KDM4B: variants seen among roughly 807,000 people sequenced by gnomAD.
KDM4B encodes the protein lysine-specific demethylase 4B.
In KDM4B, 32 loss-of-function variants were observed where a neutral mutation model predicts 125.2. The observed-to-expected ratio is 0.26, with a 90% CI of 0.19 to 0.34. KDM4B has a LOEUF of 0.34. Among genes scored for constraint, KDM4B ranks in the 10% least tolerant of loss-of-function variants. The probability of loss-of-function intolerance (pLI) is 1.00; values close to 1 mark genes in which losing one functional copy is unlikely to be tolerated. For synonymous variants in KDM4B, 721 were observed against 677.9 expected, an observed-to-expected ratio of 1.06 and a Z score of -0.99; for missense variants, 1,190 against 1,577.7, an observed-to-expected ratio of 0.75 and a Z score of 4.16.
intron 18 of KDM4B, chr19:5,138,396 C>A: frequency 6.1e-6 from 2 of 328,628 alleles, no homozygotes; most frequent in Non-Finnish European, 1.1e-5. Context: ...GCAGAGGCAC[C>A]GCACGTGCCC....
chr19:5,001,001 C>T (rs979237265), intron 1 of KDM4B, among the ~76,000 whole-genome samples: 1 of 151,882 alleles, frequency 6.6e-6, no homozygotes, highest in African/African-American at 2.4e-5. Flanking sequence ...CAGGGCAGCT[C>T]AAAGAAGCAG....
intron 21 of KDM4B, among the ~76,000 whole-genome samples, chr19:5,148,031 C>A (rs1477830813): frequency 6.6e-6 from 1 of 152,180 alleles, no homozygotes; most frequent in African/African-American, 2.4e-5. Context: ...GAGACCCCCA[C>A]ATGCCAAGGC....
At chr19:5,008,544 G>A (rs1454116352) in intron 1 of KDM4B, among the ~76,000 whole-genome samples, 1 of 151,588 alleles carries the variant, frequency 6.6e-6, no homozygotes, top group African/African-American at 2.4e-5. Flanking sequence ...TTGAGATCCA[G>A]AAAACCCTGG....
chr19:5,087,048 C>T (rs1056333001), intron 9 of KDM4B, among the ~76,000 whole-genome samples: 3 of 152,264 alleles, frequency 2.0e-5, no homozygotes, highest in African/African-American at 7.2e-5. Flanking sequence ...CTGGGGCTCT[C>T]CCCTCCCGTC....
At position 5,142,357 on chromosome 19, in the gene KDM4B, C is replaced by T. The variant is rs1317417677; in HGVS notation, c.2551-1610C>T. ...ACGCCTGCCCGACCTCCTGTGGCCA[C>T]AGCGCGTGGCGTGACTGGACCTCGC... On this transcript the variant is annotated intron_variant, in intron 18 of 22. Transcript: ENST00000159111. The surrounding 1 kb of genome is among the most constrained non-coding windows in gnomAD (Gnocchi z 5.4). Among the ~76,000 whole-genome samples, 1 of 152,218 alleles carries T rather than the reference C, an allele frequency of 6.6e-6. No individual in the cohort carries two copies. Among genetic ancestry groups the T allele is most frequent in the Non-Finnish European group, 1.5e-5 (1 of 68,018 alleles).
intron 1 of KDM4B, among the ~76,000 whole-genome samples, chr19:4,984,578 G>A (rs771013999): frequency 2.0e-4 from 30 of 152,230 alleles, no homozygotes; most frequent in South Asian, 6.2e-4. Context: ...GGCCTGTTCC[G>A]TACGCCTCGT....
intron 5 of KDM4B, among the ~76,000 whole-genome samples, chr19:5,045,380 TTTGTTGTTG>T (rs140890573): frequency 2.6e-5 from 4 of 151,762 alleles, no homozygotes; most frequent in African/African-American, 7.3e-5. Context: ...TTTTGCCCAG[TTTGTTGTTG>T]TTGTTGTTGT....
chr19:5,018,872 C>T (rs1392749222), intron 2 of KDM4B, among the ~76,000 whole-genome samples: 1 of 152,162 alleles, frequency 6.6e-6, no homozygotes, highest in Non-Finnish European at 1.5e-5. Context: ...AGTTCATCCA[C>T]TCCGTGGCCT....
chr19:5,137,914 C>A (rs751084724), intron 17 of KDM4B, 48 bp from the exon 18 acceptor site: 2 of 1,489,910 alleles, frequency 1.3e-6, no homozygotes, highest in Non-Finnish European at 1.8e-6. Flanking sequence ...CTGTGACCAG[C>A]CCAGGTCCTC....
chr19:5,119,832 G>A lies in KDM4B; in HGVS notation c.1295G>A (p.Arg432Gln), dbSNP rs779536081. 2.9e-5 allele frequency: 45 copies of A among 1,545,342 alleles called. No individual in the cohort carries two copies. Among genetic ancestry groups the A allele is most frequent in the South Asian group, 6.0e-5 (5 of 83,526 alleles). ...GAGCCGCAGCCACTGCCACACGGCCGGGAGGCCGAGGGCGCAGAAGGTCAG... is the reference window on the plus strand; with the variant it reads ...GAGCCGCAGCCACTGCCACACGGCCAGGAGGCCGAGGGCGCAGAAGGTCAG... ...EEEPQPLPHGREAEGAEEDGR... is the reference protein window; with the variant it reads ...EEEPQPLPHGQEAEGAEEDGR... The change falls in exon 11 of 23, where the codon CGG (arginine) becomes CAG (glutamine). Residue 432 changes from arginine (R) to glutamine (Q), a missense_variant. Arg to Gln is a conservative substitution (Grantham distance 43, BLOSUM62 1). Around this residue, in one of 7 missense-constraint regions of KDM4B, gnomAD observed 428 missense variants for 405.1 expected, o/e 1.06. Transcript: ENST00000159111.
chr19:5,097,718 G>C (rs1031349719), intron 9 of KDM4B, among the ~76,000 whole-genome samples: 2 of 152,262 alleles, frequency 1.3e-5, no homozygotes, highest in African/African-American at 4.8e-5. Flanking sequence ...TCAGGGCAGA[G>C]AGCGCGTTGG....
chr19:4,983,543 T>C (rs1224378500), intron 1 of KDM4B, among the ~76,000 whole-genome samples: 1 of 152,214 alleles, frequency 6.6e-6, no homozygotes, highest in Admixed American at 6.5e-5. Context: ...AACCGTGGAC[T>C]GGTCCTGGGG....
At position 4,973,825 on chromosome 19, in the gene KDM4B, A is replaced by T. The variant is rs1461616319; in HGVS notation, c.-109+4595A>T. On this transcript the variant is annotated intron_variant, in intron 1 of 22. Transcript: ENST00000159111. The stretch of plus-strand genomic sequence containing the variant: ...ACTGCTCTCTGAAACAAAGCATATT[A>T]AAAAAAAAAAAAAAAAAAAACTGGC... Among the ~76,000 whole-genome samples, 5 of 72,042 alleles carry T rather than the reference A, an allele frequency of 6.9e-5. No individual in the cohort carries two copies. In the East Asian group the frequency reaches 8.1e-4, roughly 12 times the overall value. The allele number at this position is 72,042 out of a possible 152,430, so 47.3% of individuals were successfully genotyped here. A position where few individuals can be genotyped will look rare whatever the true frequency, so the allele number is the denominator to read the frequency against.
intron 1 of KDM4B, among the ~76,000 whole-genome samples, chr19:4,972,634 C>A (rs960046540): frequency 2.0e-5 from 3 of 152,230 alleles, no homozygotes; most frequent in African/African-American, 7.2e-5. Flanking sequence ...CACTGTCAAC[C>A]CCGCAGTGAG....
chr19:5,065,824 C>T (rs1439906969), intron 6 of KDM4B, among the ~76,000 whole-genome samples: 9 of 152,228 alleles, frequency 5.9e-5, no homozygotes, highest in South Asian at 2.1e-4. Context: ...TTCGCCCACC[C>T]GTCGCCAGGA....
At chr19:4,994,301 G>C (rs562098643) in intron 1 of KDM4B, among the ~76,000 whole-genome samples, 3 of 151,728 alleles carry the variant, frequency 2.0e-5, no homozygotes, top group Admixed American at 6.5e-5. Flanking sequence ...GCTGGGCGCA[G>C]TGGCTCACGC....
rs867180878 is a variant in KDM4B at position 5,059,504 on chromosome 19, C to T, written c.627-11506C>T. ...AGCTCCAGAGCCCAGCCCGGGTCCC[C>T]GAGGCCCAGGGAGGGACCCAGCATC... is the stretch of plus-strand genomic sequence containing the variant. On this transcript the variant is annotated intron_variant, in intron 6 of 22. Transcript: ENST00000159111. Among the ~76,000 whole-genome samples, 10 of 152,350 alleles carry T rather than the reference C, an allele frequency of 6.6e-5. No homozygotes were observed. The Middle Eastern group carries it at 0.01, about 157-fold the overall frequency.
intron 2 of KDM4B, among the ~76,000 whole-genome samples, chr19:5,019,209 CTGGTGTGGATGT>C (rs2035991452): frequency 1.3e-5 from 1 of 75,784 alleles, no homozygotes; most frequent in Non-Finnish European, 2.6e-5. Flanking sequence ...TGTGCAGGTG[CTGGTGTGGATGT>C]TGGTGTGGGT....
chr19:5,014,053 G>A (rs942174902), intron 1 of KDM4B, among the ~76,000 whole-genome samples: 3 of 152,264 alleles, frequency 2.0e-5, no homozygotes, highest in Admixed American at 6.5e-5. Context: ...TGGAAGTCGG[G>A]TGAATGAGCC....
Sources: allele counts gnomAD v4.1 joint callset (sites outside exome capture counted in the v4.1 genomes callset), GRCh38; gene constraint gnomAD v4.1.1; regional missense constraint gnomAD v4.1.1; non-coding constraint Gnocchi (gnomAD v3.1); transcripts MANE v1.5; gene names NCBI Gene and HGNC (gene_info 2026-07-23, HGNC 2026-07-21).